Variants in CPO observed in about 807,000 individuals in gnomAD.
CPO encodes carboxypeptidase O, also known as metallocarboxypeptidase C.
A neutral mutation model predicts 41.2 loss-of-function variants in CPO; 43 were observed. The observed-to-expected ratio is 1.04, with a 90% CI of 0.82 to 1.35. CPO has a LOEUF of 1.35. CPO is among the 40% of genes most tolerant of loss of function. The pLI is 0.00. For synonymous variants in CPO, 178 were observed against 162.7 expected (o/e 1.09, Z -0.72); for missense variants, 408 against 451.7 (o/e 0.90, Z 0.88).
chr2:206,968,377 T>A, intron 8 of CPO, 30 bp downstream of exon 8: 1 of 1,291,336 alleles, frequency 7.7e-7, no homozygotes, highest in Non-Finnish European at 1.1e-6. Context: ...TCTTCAATAG[T>A]ATCTAAGGCA....
chr2:206,962,456 A>G lies in CPO; in HGVS notation c.619A>G (p.Thr207Ala), dbSNP rs765518342. 1.9e-6 allele frequency: 3 copies of G among 1,614,024 alleles called. No individual in the cohort carries two copies. The highest frequency in any genetic ancestry group is 2.7e-5 in the African/African-American group (2 of 74,920). ...RNCQDQTFCG[T>A]GPVSEPETKA... is the part of the protein sequence containing the mutation. ...CTGCCAAGATCAAACATTCTGTGGGACAGGGCCAGTGTCTGAACCAGAGAC... is the reference window on the plus strand; with the variant it reads ...CTGCCAAGATCAAACATTCTGTGGGGCAGGGCCAGTGTCTGAACCAGAGAC... The change falls in exon 7 of 9, where the codon ACA (threonine) becomes GCA (alanine). Residue 207 changes from threonine (T) to alanine (A), a missense_variant. By Grantham distance (58) the Thr-to-Ala change is moderately conservative. Coordinates refer to ENST00000272852, the MANE Select transcript of CPO (RefSeq NM_173077.3).
intron 7 of CPO, among the ~76,000 whole-genome samples, chr2:206,967,197 G>A (rs918798351): frequency 5.9e-5 from 9 of 151,948 alleles, no homozygotes; most frequent in Non-Finnish European, 1.0e-4. Flanking sequence ...AAACCTAGGC[G>A]ACATGCAACA....
Position 206,943,245 on chromosome 2 carries a change from C to T in CPO, c.68+3578C>T, listed in dbSNP as rs141606527. ...AACTATGTGAAGGAAGGAAGAACAG[C>T]CAGCTTCCTTGTTCTCAATACTGTT... On this transcript the variant is annotated intron_variant, in intron 1 of 8. Coordinates refer to ENST00000272852, the MANE Select transcript of CPO (RefSeq NM_173077.3). Among the ~76,000 whole-genome samples the T allele has an allele frequency of 2.0e-5, 3 of 152,068 alleles. 1 individual carries two copies. The highest frequency in any genetic ancestry group is 4.1e-4 in the South Asian group (2 of 4,824).
Position 206,949,646 on chromosome 2 carries a change from T to C in CPO, c.98T>C (p.Val33Ala), listed in dbSNP as rs899109536. ...TTAGCCCAACACAGACAAGAGATTG[T>C]GGACAAGTCAGTGAGTCCATGGAGC... ...RSLAQHRQEI[V>A]DKSVSPWSLE... is the part of the protein sequence containing the mutation. The change falls in exon 2 of 9, where the codon GTG becomes GCG. Residue 33 changes from valine to alanine, a missense_variant. Transcript: ENST00000272852. The C allele has an allele frequency of 4.3e-6, 7 of 1,613,400 alleles. No individual in the cohort carries two copies. The African/African-American group carries it at 5.3e-5, about 12-fold the overall frequency.
intron 7 of CPO, among the ~76,000 whole-genome samples, chr2:206,967,505 C>G (rs1025306125): frequency 2.6e-5 from 4 of 151,856 alleles, no homozygotes; most frequent in African/African-American, 9.7e-5. Context: ...CAGGTAAGGC[C>G]TCTTGGAGAA....
intron 2 of CPO, among the ~76,000 whole-genome samples, chr2:206,952,354 C>T (rs1693281169): frequency 6.6e-6 from 1 of 152,192 alleles, no homozygotes; most frequent in South Asian, 2.1e-4. Flanking sequence ...ACCTCGTGAT[C>T]CACCCACCTT....
At chr2:206,944,129 T>A (rs1693097055) in intron 1 of CPO, among the ~76,000 whole-genome samples, 1 of 152,072 alleles carries the variant, frequency 6.6e-6, no homozygotes, top group Non-Finnish European at 1.5e-5. Context: ...ATATACCCAC[T>A]GGGTGGTTGA....
chr2:206,962,967 C>T (rs1693508665), intron 7 of CPO, among the ~76,000 whole-genome samples: 1 of 152,186 alleles, frequency 6.6e-6, no homozygotes, highest in Admixed American at 6.5e-5. Context: ...AGCTTTTGAA[C>T]CGTGCTTTCA....
chr2:206,961,622 A>C (rs980525016), intron 6 of CPO, among the ~76,000 whole-genome samples: 1 of 152,124 alleles, frequency 6.6e-6, no homozygotes, highest in African/African-American at 2.4e-5. Flanking sequence ...GATCATTCTT[A>C]TTATTATTAA....
chr2:206,961,047 T>G, intron 6 of CPO, 105 bp downstream of exon 6: 1 of 805,284 alleles, frequency 1.2e-6, no homozygotes, highest in Non-Finnish European at 2.1e-6. Flanking sequence ...TCTAATATGG[T>G]ACAGCTTTCT....
At chr2:206,956,090 C>T (rs1176666807) in intron 3 of CPO, among the ~76,000 whole-genome samples, 1 of 152,110 alleles carries the variant, frequency 6.6e-6, no homozygotes, top group Non-Finnish European at 1.5e-5. Flanking sequence ...AGGTCTCCAG[C>T]GTCTCCTACC....
At chr2:206,962,179 G>A (rs1398653300) in intron 6 of CPO, among the ~76,000 whole-genome samples, 1 of 151,748 alleles carries the variant, frequency 6.6e-6, no homozygotes, top group African/African-American at 2.4e-5. Context: ...ATGGAAGCAT[G>A]GAGTTTGTTT....
At chr2:206,943,717 T>TA (rs200267359) in intron 1 of CPO, among the ~76,000 whole-genome samples, 253 of 68,708 alleles carry the variant, frequency 3.7e-3, no homozygotes, top group East Asian at 5.9e-3. Flanking sequence ...GATAGATAGA[T>TA]GATGGATAGA....
intron 1 of CPO, among the ~76,000 whole-genome samples, chr2:206,945,465 A>T (rs1693124527): frequency 6.6e-6 from 1 of 152,206 alleles, no homozygotes; most frequent in Non-Finnish European, 1.5e-5. Flanking sequence ...TAAACTAGGA[A>T]ACTAAGTCAT....
chr2:206,955,112 T>C (rs1693333395), intron 2 of CPO, among the ~76,000 whole-genome samples: 1 of 152,204 alleles, frequency 6.6e-6, no homozygotes. Flanking sequence ...AAGCCTCACC[T>C]GAAATTTCTG....
At chr2:206,956,597 A>G (rs1383236293) in intron 3 of CPO, among the ~76,000 whole-genome samples, 1 of 152,182 alleles carries the variant, frequency 6.6e-6, no homozygotes, top group Non-Finnish European at 1.5e-5. Flanking sequence ...GCATTTTTAC[A>G]CTTGATCATA....
chr2:206,947,911 A>G (rs1693176353), intron 1 of CPO, among the ~76,000 whole-genome samples: 1 of 152,206 alleles, frequency 6.6e-6, no homozygotes, highest in South Asian at 2.1e-4. Context: ...CCAAAATCCA[A>G]AACACTGACA....
At chr2:206,951,006 C>T (rs1202325344) in intron 2 of CPO, among the ~76,000 whole-genome samples, 3 of 151,350 alleles carry the variant, frequency 2.0e-5, no homozygotes, top group African/African-American at 7.3e-5. Context: ...GTGAAGCAAA[C>T]GAACATGGCA....
intron 8 of CPO, 33 bp downstream of exon 8, chr2:206,968,380 C>A: frequency 1.6e-6 from 2 of 1,264,784 alleles, no homozygotes; most frequent in Non-Finnish European, 2.3e-6. Flanking sequence ...TCAATAGTAT[C>A]TAAGGCACAA....
Sources: gnomAD v4.1 joint callset for allele counts (sites outside exome capture counted in the v4.1 genomes callset) on GRCh38, gnomAD v4.1.1 for gene constraint, MANE v1.5 for transcripts, NCBI Gene and HGNC (gene_info 2026-07-23, HGNC 2026-07-21) for gene names.